The following HSD17B11 variants were observed in gnomAD, a reference collection of about 807,000 sequenced individuals.
The protein encoded by HSD17B11 is estradiol 17-beta-dehydrogenase 11.
A neutral mutation model predicts 27.8 loss-of-function variants in HSD17B11; 22 were observed. The observed-to-expected ratio is 0.79, with a 90% CI of 0.56 to 1.13. HSD17B11 has a LOEUF of 1.13. Among genes scored for constraint, HSD17B11 ranks in the 50% most tolerant of loss-of-function variants. The pLI is 0.00. For synonymous variants in HSD17B11, 117 were observed against 132.8 expected, an observed-to-expected ratio of 0.88 and a Z score of 0.82; for missense variants, 314 against 351.1, an observed-to-expected ratio of 0.89 and a Z score of 0.84.
At chr4:87,382,803 T>C (rs1292368597) in intron 1 of HSD17B11, among the ~76,000 whole-genome samples, 1 of 152,220 alleles carries the variant, frequency 6.6e-6, no homozygotes, top group Admixed American at 6.5e-5. Flanking sequence ...TCTTTCAGCA[T>C]TTTAATGTGA....
chr4:87,353,731 AG>A (rs34976142), intron 5 of HSD17B11, among the ~76,000 whole-genome samples: 12 of 152,084 alleles, frequency 7.9e-5, no homozygotes, highest in Admixed American at 5.2e-4. Flanking sequence ...GCGGCCTTGT[AG>A]GGGGGGCAAG....
intron 5 of HSD17B11, among the ~76,000 whole-genome samples, chr4:87,347,103 A>T (rs1578034697): frequency 4.8e-4 from 30 of 62,564 alleles, no homozygotes; most frequent in East Asian, 6.2e-4. Flanking sequence ...AGTATTCTGG[A>T]TTTTTTTTTT....
chr4:87,387,775 AG>A (rs1720357981), intron 1 of HSD17B11, among the ~76,000 whole-genome samples: 1 of 152,254 alleles, frequency 6.6e-6, no homozygotes, highest in African/African-American at 2.4e-5. Context: ...AATAAAATAT[AG>A]ATTATTTAAA....
At chr4:87,354,052 T>C (rs1168874730) in intron 5 of HSD17B11, among the ~76,000 whole-genome samples, 1 of 152,218 alleles carries the variant, frequency 6.6e-6, no homozygotes, top group Admixed American at 6.5e-5. Flanking sequence ...ACCTCTAAAA[T>C]ATACACTCTT....
In HSD17B11 at chr4:87,337,332, G is replaced by A. The variant is rs777162512; in HGVS notation, c.847C>T (p.Arg283Ter). The A allele has an allele frequency of 8.7e-5, 140 of 1,601,944 alleles. No individual in the cohort carries two copies. The highest frequency in any genetic ancestry group is 3.8e-4 in the East Asian group (17 of 44,686). Residue 283 changes from arginine (R) to a stop codon, truncating the protein, a stop_gained, in exon 7 of 7, where the codon CGA (arginine) becomes TGA (stop). Transcript: ENST00000358290. LOFTEE classifies it low-confidence loss of function (END_TRUNC). The part of the protein sequence containing the change: ...LPERFLAVLK[R>*]KISVKFDAVI... The stretch of plus-strand genomic sequence containing the variant: ...GCATCAAACTTAACACTGATTTTTC[G>A]TTTTAAAACTGCCAGGAAACGCTCA...
At chr4:87,380,485 A>AAAG (rs1553960406) in intron 2 of HSD17B11, among the ~76,000 whole-genome samples, 525 of 39,580 alleles carry the variant, frequency 0.013, 4 homozygotes, top group African/African-American at 0.032. Context: ...AAAAAAAAAA[A>AAAG]AAAGAAAAAA....
chr4:87,380,486 A>AG (rs1176258020), intron 2 of HSD17B11, among the ~76,000 whole-genome samples: 1 of 143,194 alleles, frequency 7.0e-6, no homozygotes, highest in East Asian at 2.0e-4. Flanking sequence ...AAAAAAAAAA[A>AG]AAGAAAAAAG....
rs11097144 is a variant in HSD17B11 at position 87,352,981 on chromosome 4, G to A, written c.695+4298C>T. 6.9e-5 allele frequency among the ~76,000 whole-genome samples: 7 copies of A among 102,188 alleles called. 1 individual carries two copies. The highest frequency in any genetic ancestry group is 6.6e-4 in the East Asian group (3 of 4,556). The allele number at this position is 102,188 out of a possible 152,430, so 67.0% of individuals were successfully genotyped here. ...GCAATGCCTCGCCCTGCTTCGGCTC[G>A]CGCACGGTGCGCACACACACTGGCC... On this transcript the variant is annotated intron_variant, in intron 5 of 6. Transcript: ENST00000358290.
intron 1 of HSD17B11, among the ~76,000 whole-genome samples, chr4:87,388,329 G>T (rs1720372211): frequency 1.3e-5 from 2 of 152,128 alleles, no homozygotes; most frequent in Non-Finnish European, 2.9e-5. Flanking sequence ...CACTCACAGT[G>T]CATCTCAAAT....
At chr4:87,368,144 C>T (rs1444955687) in intron 4 of HSD17B11, among the ~76,000 whole-genome samples, 7 of 151,968 alleles carry the variant, frequency 4.6e-5, no homozygotes, top group Non-Finnish European at 5.9e-5. Context: ...GGTGAAATCC[C>T]GTCTCTACTA....
chr4:87,384,594 T>C (rs56354112), intron 1 of HSD17B11, among the ~76,000 whole-genome samples: 53,151 of 151,758 alleles, frequency 0.35, 10,452 homozygotes, highest in African/African-American at 0.51. Context: ...GGTCTATAAA[T>C]GGCTGCTCTG....
chr4:87,368,081 G>A (rs1735641182), intron 4 of HSD17B11, among the ~76,000 whole-genome samples: 1 of 152,142 alleles, frequency 6.6e-6, no homozygotes, highest in African/African-American at 2.4e-5. Context: ...ACTTTGGGGG[G>A]CCGAGGCGGG....
At chr4:87,382,596 A>C (rs1720205528) in intron 1 of HSD17B11, among the ~76,000 whole-genome samples, 1 of 152,246 alleles carries the variant, frequency 6.6e-6, no homozygotes, top group African/African-American at 2.4e-5. Flanking sequence ...AAAGAAGATA[A>C]AAATCTTAAA....
chr4:87,353,445 A>G (rs11721653), intron 5 of HSD17B11, among the ~76,000 whole-genome samples: 18,261 of 152,284 alleles, frequency 0.12, 1,429 homozygotes, highest in Admixed American at 0.18. Flanking sequence ...ATTAGAAGTA[A>G]TAAGTTTCTA....
chr4:87,343,999 A>C (rs1735221202), intron 5 of HSD17B11, among the ~76,000 whole-genome samples: 1 of 152,196 alleles, frequency 6.6e-6, no homozygotes, highest in Non-Finnish European at 1.5e-5. Flanking sequence ...CACAGTGTAA[A>C]TATTCCCACG....
chr4:87,369,904 C>A (rs1434740151), intron 4 of HSD17B11, among the ~76,000 whole-genome samples: 5 of 152,144 alleles, frequency 3.3e-5, no homozygotes, highest in Admixed American at 6.5e-5. Context: ...TACTTGTGAA[C>A]AAATTACTTA....
At chr4:87,356,008 G>A (rs1735377276) in intron 5 of HSD17B11, among the ~76,000 whole-genome samples, 1 of 152,170 alleles carries the variant, frequency 6.6e-6, no homozygotes, top group Non-Finnish European at 1.5e-5. Context: ...AAAAGGAAGT[G>A]CAATGTCCAA....
chr4:87,361,623 T>C (rs1300248805), intron 4 of HSD17B11, among the ~76,000 whole-genome samples: 6 of 151,880 alleles, frequency 4.0e-5, no homozygotes, highest in Middle Eastern at 3.2e-3. Context: ...AAAAATTAGC[T>C]GGGCATGGTG....
chr4:87,362,531 TA>T (rs1735537034), intron 4 of HSD17B11, among the ~76,000 whole-genome samples: 1 of 151,942 alleles, frequency 6.6e-6, no homozygotes, highest in South Asian at 2.1e-4. Context: ...ATCTCAAAAA[TA>T]AAATATAATA....
Sources: gnomAD v4.1 joint callset for allele counts (sites outside exome capture counted in the v4.1 genomes callset) on GRCh38, gnomAD v4.1.1 for gene constraint, MANE v1.5 for transcripts, NCBI Gene and HGNC (gene_info 2026-07-23, HGNC 2026-07-21) for gene names.